The following PDZRN3 variants were observed in gnomAD, a reference collection of about 807,000 sequenced individuals.
The protein encoded by PDZRN3 is E3 ubiquitin-protein ligase PDZRN3.
A neutral mutation model predicts 85.7 loss-of-function variants in PDZRN3; 38 were observed. The ratio of observed to expected loss-of-function variants is 0.44; its 90% confidence interval spans 0.34 to 0.58. The LOEUF (loss-of-function observed/expected upper bound fraction) is 0.58, where lower values mean the gene tolerates loss of function less well. PDZRN3 is among the 20% of genes least tolerant of loss of function. The pLI is 0.01. For synonymous variants in PDZRN3, 759 were observed against 638.0 expected (o/e 1.19, Z -2.86); for missense variants, 1,629 against 1,506.4 (o/e 1.08, Z -1.35).
chr3:73,385,538 G>A (rs1024681611), intron 9 of PDZRN3, 131 bp downstream of exon 9: 3 of 644,708 alleles, frequency 4.7e-6, no homozygotes, highest in Non-Finnish European at 8.3e-6. Context: ...AAGTACTTGA[G>A]GCTGTTTTCT....
At chr3:73,607,020 A>G (rs1431772968) in intron 2 of PDZRN3, among the ~76,000 whole-genome samples, 1 of 151,952 alleles carries the variant, frequency 6.6e-6, no homozygotes, top group African/African-American at 2.4e-5. Flanking sequence ...TTCCCTGCCC[A>G]TCCCTCAACT....
intron 3 of PDZRN3, among the ~76,000 whole-genome samples, chr3:73,565,275 C>T (rs1575740458): frequency 2.0e-5 from 3 of 152,026 alleles, no homozygotes; most frequent in Non-Finnish European, 2.9e-5. Context: ...ATTACAGGTG[C>T]CTGCTACTAT....
Position 73,439,082 on chromosome 3 carries a change from C to T in PDZRN3, c.919-34687G>A, listed in dbSNP as rs568996946. 5.9e-5 allele frequency among the ~76,000 whole-genome samples: 9 copies of T among 152,334 alleles called. No individual in the cohort carries two copies. In the South Asian group the frequency reaches 8.3e-4, roughly 14 times the overall value. On this transcript the variant is annotated intron_variant, in intron 3 of 9. Coordinates refer to ENST00000263666, the MANE Select transcript of PDZRN3 (RefSeq NM_015009.3). Reference sequence around the variant, plus strand: ...GTGCCTCCTTATGGCACGATTCACACGGATGGTCACTTTCTGTTTGCATCC... The same window carrying T: ...GTGCCTCCTTATGGCACGATTCACATGGATGGTCACTTTCTGTTTGCATCC...
At chr3:73,556,963 C>T (rs913725091) in intron 3 of PDZRN3, 2 of 152,404 alleles carry the variant, frequency 1.3e-5, no homozygotes, top group African/African-American at 4.8e-5. Context: ...TCCCACATGC[C>T]CCTGGGACTG....
chr3:73,597,957 C>T (rs999003163), intron 3 of PDZRN3, among the ~76,000 whole-genome samples: 4 of 152,030 alleles, frequency 2.6e-5, no homozygotes, highest in Non-Finnish European at 4.4e-5. Flanking sequence ...AACCAGCTGG[C>T]TGGACTTACG....
At chr3:73,399,903 T>G (rs1188077015) in intron 5 of PDZRN3, among the ~76,000 whole-genome samples, 2 of 152,208 alleles carry the variant, frequency 1.3e-5, no homozygotes, top group African/African-American at 4.8e-5. Context: ...AATTATTGAT[T>G]TTTAACTTCT....
At chr3:73,527,405 C>T (rs905484648) in intron 3 of PDZRN3, among the ~76,000 whole-genome samples, 2 of 152,072 alleles carry the variant, frequency 1.3e-5, no homozygotes, top group African/African-American at 2.4e-5. Flanking sequence ...GGATATCTTG[C>T]ATTCATAGTA....
At chr3:73,576,049 T>G (rs73838574) in intron 3 of PDZRN3, among the ~76,000 whole-genome samples, 2,896 of 152,246 alleles carry the variant, frequency 0.019, 78 homozygotes, top group African/African-American at 0.063. Context: ...TATATTGCTA[T>G]CATTCTGCAG....
chr3:73,463,143 G>A (rs201407993), intron 3 of PDZRN3, among the ~76,000 whole-genome samples: 18 of 152,266 alleles, frequency 1.2e-4, no homozygotes, highest in South Asian at 8.3e-4. Context: ...CTTGTTGGGC[G>A]AGCCATGGCC....
At chr3:73,537,786 A>ATTT (rs11387585) in intron 3 of PDZRN3, among the ~76,000 whole-genome samples, 9 of 137,256 alleles carry the variant, frequency 6.6e-5, no homozygotes, top group South Asian at 2.4e-4. Flanking sequence ...CACCCGGCTA[A>ATTT]TTTTTTTTTT....
intron 3 of PDZRN3, among the ~76,000 whole-genome samples, chr3:73,417,899 A>G (rs1702124499): frequency 6.6e-6 from 1 of 152,230 alleles, no homozygotes; most frequent in Non-Finnish European, 1.5e-5. Flanking sequence ...TTGGCTTTGC[A>G]AGAAGAACCA....
intron 3 of PDZRN3, among the ~76,000 whole-genome samples, chr3:73,531,110 G>A (rs930682394): frequency 4.6e-5 from 7 of 152,058 alleles, no homozygotes; most frequent in African/African-American, 1.4e-4. Context: ...AATTAGCCAG[G>A]CATGGTGGCA....
intron 3 of PDZRN3, among the ~76,000 whole-genome samples, chr3:73,443,500 G>GC (rs1702687407): frequency 2.5e-5 from 1 of 39,830 alleles, no homozygotes; most frequent in African/African-American, 3.0e-4. Context: ...TTTTTTTTTG[G>GC]GGGGGGGACA....
intron 3 of PDZRN3, among the ~76,000 whole-genome samples, chr3:73,597,663 A>G (rs1702450767): frequency 6.6e-6 from 1 of 151,104 alleles, no homozygotes; most frequent in Non-Finnish European, 1.5e-5. Flanking sequence ...ATAGATGTGG[A>G]TGGCCTCTAC....
In PDZRN3 at chr3:73,383,817, G is replaced by T. The variant is rs755063930; in HGVS notation, c.2749C>A (p.Pro917Thr). Reference sequence around the variant, plus strand: ...ATCTTCACCTTCCACTCCATGCGCGGCTCCGACGGGGTGGGAGAGCTCAGG... The same window carrying T: ...ATCTTCACCTTCCACTCCATGCGCGTCTCCGACGGGGTGGGAGAGCTCAGG... Reference protein sequence around the residue: ...KDLSSPTPSEPRMEWKVKIRS... With the variant: ...KDLSSPTPSETRMEWKVKIRS... Residue 917 changes from proline (P) to threonine (T), a missense_variant, in exon 10 of 10, where the codon CCG becomes ACG. By Grantham distance (38) the Pro-to-Thr change is conservative. Transcript: ENST00000263666. 6.2e-7 allele frequency: 1 copy of T among 1,613,538 alleles called. No individual in the cohort carries two copies. Among genetic ancestry groups the T allele is most frequent in the Admixed American group, 1.7e-5 (1 of 60,022 alleles).
intron 3 of PDZRN3, among the ~76,000 whole-genome samples, chr3:73,502,548 C>T (rs780889740): frequency 1.2e-4 from 19 of 152,260 alleles, no homozygotes; most frequent in African/African-American, 3.4e-4. Flanking sequence ...TTTACTATAG[C>T]GGTTTCCCTT....
Position 73,382,633 on chromosome 3 carries a change from C to T in PDZRN3, c.*732G>A, listed in dbSNP as rs373787630. 6.0e-4 allele frequency: 91 copies of T among 152,784 alleles called. No homozygotes were observed. Among genetic ancestry groups the T allele is most frequent in the African/African-American group, 2.2e-3 (91 of 41,580 alleles). 9.5% of individuals were successfully genotyped at this position (152,784 alleles called of 1,614,324 possible). On this transcript the variant is annotated 3_prime_UTR_variant, in exon 10 of 10. Coordinates refer to ENST00000263666, the MANE Select transcript of PDZRN3 (RefSeq NM_015009.3). ...ACTACAATGAGCACTTAAAATTCCACAAACCGTCTCCATCCACAACTTTCC... is the reference window on the plus strand; with the variant it reads ...ACTACAATGAGCACTTAAAATTCCATAAACCGTCTCCATCCACAACTTTCC...
At chr3:73,579,956 T>C (rs1217146841) in intron 3 of PDZRN3, among the ~76,000 whole-genome samples, 1 of 152,180 alleles carries the variant, frequency 6.6e-6, no homozygotes, top group African/African-American at 2.4e-5. Flanking sequence ...TGATTCCCGA[T>C]GAACTTAACC....
At chr3:73,572,295 A>G (rs915704033) in intron 3 of PDZRN3, among the ~76,000 whole-genome samples, 12 of 152,254 alleles carry the variant, frequency 7.9e-5, no homozygotes, top group Non-Finnish European at 1.8e-4. Flanking sequence ...AGATTTTAAT[A>G]AGCTCTTCCA....
Sources: gnomAD v4.1 joint callset for allele counts (sites outside exome capture counted in the v4.1 genomes callset) on GRCh38, gnomAD v4.1.1 for gene constraint, MANE v1.5 for transcripts, NCBI Gene and HGNC (gene_info 2026-07-23, HGNC 2026-07-21) for gene names.